Variants in SLX4IP observed in about 807,000 individuals in gnomAD.
The protein encoded by SLX4IP is SLX4 interacting protein.
SLX4IP carries 34 observed loss-of-function variants against 32.9 expected under a neutral mutation model. That is an observed-to-expected ratio of 1.03 (90% CI 0.79 to 1.38). The LOEUF is 1.38. Ranked by LOEUF, SLX4IP falls within the 40% of genes most tolerant of loss-of-function variation. The probability of loss-of-function intolerance (pLI) is 0.00; values close to 1 mark genes in which losing one functional copy is unlikely to be tolerated. For synonymous variants in SLX4IP, 172 were observed against 171.7 expected, an observed-to-expected ratio of 1.00 and a Z score of -0.01; for missense variants, 444 against 479.0, an observed-to-expected ratio of 0.93 and a Z score of 0.68.
In SLX4IP at chr20:10,622,793, C is replaced by G. The variant is rs150620105; in HGVS notation, c.641C>G (p.Pro214Arg). ...AATGATGGTCAGGCTTCCTCCAGTC[C>G]CCCATCAGAATCCATGGGACAAGCA... Reference protein sequence around the residue: ...RRNDGQASSSPPSESMGQAKD... With the variant: ...RRNDGQASSSRPSESMGQAKD... Residue 214 changes from proline to arginine, a missense_variant, in exon 8 of 8, where the codon CCC becomes CGC. Coordinates refer to ENST00000334534, the MANE Select transcript of SLX4IP (RefSeq NM_001009608.3). 1.2e-6 allele frequency: 2 copies of G among 1,614,088 alleles called. No homozygotes were observed. The highest frequency in any genetic ancestry group is 2.2e-5 in the South Asian group (2 of 91,082).
Position 10,601,772 on chromosome 20 carries a change from C to A in SLX4IP, c.358C>A (p.Gln120Lys). The part of the protein sequence containing the change: ...FPDRFVVCVS[Q>K]LAFSRDLLAS... Reference sequence around the variant, plus strand: ...TGACAGATTTGTGGTTTGTGTCAGTCAGCTTGCATTCAGTCGTGATCTTTT... The same window carrying A: ...TGACAGATTTGTGGTTTGTGTCAGTAAGCTTGCATTCAGTCGTGATCTTTT... Residue 120 changes from glutamine to lysine, a missense_variant, in exon 6 of 8, where the codon CAG (glutamine) becomes AAG (lysine). Gln to Lys is a moderately conservative substitution (Grantham distance 53). Transcript: ENST00000334534. 1 of 1,613,970 alleles carries A rather than the reference C, an allele frequency of 6.2e-7. No homozygotes were observed. The highest frequency in any genetic ancestry group is 1.1e-5 in the South Asian group (1 of 91,042).
rs533086452 is a variant in SLX4IP at position 10,565,564 on chromosome 20, G to T, written c.238+4744G>T. Among the ~76,000 whole-genome samples, 4 of 152,290 alleles carry T rather than the reference G, an allele frequency of 2.6e-5. No individual in the cohort carries two copies. In the South Asian group the frequency reaches 8.3e-4, roughly 32 times the overall value. ...CAAGGCAAAACTAGATTTCATGGTT[G>T]TCTCCTAGTTACAAGTGAGTCAGGG... On this transcript the variant is annotated intron_variant, in intron 4 of 7. Coordinates refer to ENST00000334534, the MANE Select transcript of SLX4IP (RefSeq NM_001009608.3).
At chr20:10,593,039 A>T (rs978898451) in intron 4 of SLX4IP, among the ~76,000 whole-genome samples, 3 of 152,218 alleles carry the variant, frequency 2.0e-5, no homozygotes, top group South Asian at 4.1e-4. Context: ...TTATTAAATC[A>T]CAACCAAGCT....
chr20:10,517,681 G>A (rs1231661728), intron 2 of SLX4IP, among the ~76,000 whole-genome samples: 1 of 152,134 alleles, frequency 6.6e-6, no homozygotes, highest in Non-Finnish European at 1.5e-5. Context: ...AATAAGTGAG[G>A]AGAGCATCTT....
At chr20:10,612,566 A>T (rs1240842181) in intron 6 of SLX4IP, among the ~76,000 whole-genome samples, 1 of 152,118 alleles carries the variant, frequency 6.6e-6, no homozygotes, top group Non-Finnish European at 1.5e-5. Flanking sequence ...TATTATTGAG[A>T]TGCAGTTTCG....
chr20:10,537,800 G>C (rs1016364009), intron 2 of SLX4IP, among the ~76,000 whole-genome samples: 1 of 152,204 alleles, frequency 6.6e-6, no homozygotes, highest in African/African-American at 2.4e-5. Flanking sequence ...GGTCTCTCAA[G>C]AGAAAGGACA....
intron 4 of SLX4IP, among the ~76,000 whole-genome samples, chr20:10,593,163 T>A (rs1445833633): frequency 1.3e-5 from 2 of 152,182 alleles, no homozygotes; most frequent in African/African-American, 4.8e-5. Context: ...AAGTGCCCTT[T>A]CTTAAAGCAA....
chr20:10,625,996 G>GTGTTT lies in SLX4IP; in HGVS notation c.*2620_*2624dup, dbSNP rs2067167288. ...GAGTTCTCACTGTTGGGAATGGTATGTGTTTTGACATTCTTTTTTTTTTTT... is the reference window on the plus strand; with the variant it reads ...GAGTTCTCACTGTTGGGAATGGTATGTGTTTTGTTTTGACATTCTTTTTTTTTTTT... On this transcript the variant is annotated 3_prime_UTR_variant, in exon 8 of 8. Transcript: ENST00000334534. The GTGTTT allele has an allele frequency of 1.4e-5, 2 of 145,570 alleles. No individual in the cohort carries two copies. Among genetic ancestry groups the GTGTTT allele is most frequent in the Non-Finnish European group, 3.0e-5 (2 of 66,372 alleles). The allele number at this position is 145,570 out of a possible 1,614,324, so 9.0% of individuals were successfully genotyped here. A position where few individuals can be genotyped will look rare whatever the true frequency, so the allele number is the denominator to read the frequency against.
chr20:10,580,364 T>G (rs1189378751), intron 4 of SLX4IP, among the ~76,000 whole-genome samples: 1 of 152,052 alleles, frequency 6.6e-6, no homozygotes, highest in Non-Finnish European at 1.5e-5. Context: ...CAGATATGAA[T>G]GCAGTGCCCT....
At chr20:10,481,940 A>G (rs771529984) in intron 2 of SLX4IP, among the ~76,000 whole-genome samples, 3 of 152,198 alleles carry the variant, frequency 2.0e-5, no homozygotes, top group South Asian at 2.1e-4. Flanking sequence ...AACTCACAAC[A>G]TGCGGCTGGC....
intron 2 of SLX4IP, among the ~76,000 whole-genome samples, chr20:10,542,664 G>A (rs1319882423): frequency 6.6e-6 from 1 of 152,186 alleles, no homozygotes; most frequent in Non-Finnish European, 1.5e-5. Flanking sequence ...TACAGCGATG[G>A]CACTCTGCTG....
intron 6 of SLX4IP, among the ~76,000 whole-genome samples, chr20:10,615,628 C>T (rs2067016728): frequency 6.6e-6 from 1 of 152,164 alleles, no homozygotes; most frequent in South Asian, 2.1e-4. Flanking sequence ...TTTAGATATC[C>T]AGGAGGACCC....
intron 3 of SLX4IP, among the ~76,000 whole-genome samples, chr20:10,557,050 G>A (rs919393572): frequency 1.3e-5 from 2 of 152,206 alleles, no homozygotes; most frequent in Non-Finnish European, 2.9e-5. Flanking sequence ...TCACCAGAGA[G>A]CAGGAGTAAC....
intron 2 of SLX4IP, among the ~76,000 whole-genome samples, chr20:10,518,365 TTC>T (rs1011397560): frequency 2.0e-5 from 3 of 151,170 alleles, no homozygotes; most frequent in African/African-American, 7.3e-5. Flanking sequence ...CTTTCTTTCT[TTC>T]TCTCTCTCTT....
chr20:10,563,294 A>G (rs1486003572), intron 4 of SLX4IP, among the ~76,000 whole-genome samples: 1 of 152,204 alleles, frequency 6.6e-6, no homozygotes, highest in African/African-American at 2.4e-5. Flanking sequence ...TTTGTATATT[A>G]TGGACATTAG....
chr20:10,599,832 T>C (rs2066820687), intron 5 of SLX4IP, among the ~76,000 whole-genome samples: 1 of 152,198 alleles, frequency 6.6e-6, no homozygotes, highest in Non-Finnish European at 1.5e-5. Flanking sequence ...ATTAAAATAG[T>C]ACAACTCTCA....
At chr20:10,437,918 A>G (rs2065128241) in intron 1 of SLX4IP, among the ~76,000 whole-genome samples, 1 of 152,224 alleles carries the variant, frequency 6.6e-6, no homozygotes, top group Admixed American at 6.5e-5. Flanking sequence ...GACCTTGATC[A>G]GATAACTTAT....
At position 10,556,296 on chromosome 20, in the gene SLX4IP, C is replaced by A. The variant is rs2066266882; in HGVS notation, c.93C>A (p.Ser31Arg). The change falls in exon 3 of 8, where the codon AGC becomes AGA. Residue 31 changes from serine to arginine, a missense_variant. Ser to Arg is a moderately radical substitution (Grantham distance 110, BLOSUM62 -1). Coordinates refer to ENST00000334534, the MANE Select transcript of SLX4IP (RefSeq NM_001009608.3). ...ILPQGSNKDTSWFSEQKKEEV... is the reference protein window; with the variant it reads ...ILPQGSNKDTRWFSEQKKEEV... ...CACAAGGTTCAAACAAAGATACAAG[C>A]TGGTTTTCTGAACAGAAGAAAGAGG... 1 of 1,613,260 alleles carries A rather than the reference C, an allele frequency of 6.2e-7. No homozygotes were observed. Among genetic ancestry groups the A allele is most frequent in the Non-Finnish European group, 8.5e-7 (1 of 1,179,734 alleles).
At chr20:10,541,515 CT>C (rs1258063403) in intron 2 of SLX4IP, among the ~76,000 whole-genome samples, 15 of 152,200 alleles carry the variant, frequency 9.9e-5, no homozygotes, top group Non-Finnish European at 2.2e-4. Flanking sequence ...AATAAATTAA[CT>C]GCTTATTAAC....
Sources: gnomAD v4.1 joint callset for allele counts (sites outside exome capture counted in the v4.1 genomes callset) on GRCh38, gnomAD v4.1.1 for gene constraint, MANE v1.5 for transcripts, NCBI Gene and HGNC (gene_info 2026-07-23, HGNC 2026-07-21) for gene names.